The following RNF212B variants were observed in gnomAD, a reference collection of about 807,000 sequenced individuals.
The protein encoded by RNF212B is ring finger protein 212B, also known as E3 ubiquitin-protein ligase RNF212B.
A neutral mutation model predicts 55.5 loss-of-function variants in RNF212B; 52 were observed. The ratio of observed to expected loss-of-function variants is 0.94; its 90% CI spans 0.75 to 1.18. RNF212B has a LOEUF of 1.18. Ranked by LOEUF, RNF212B falls within the 50% of genes most tolerant of loss-of-function variation. The pLI, the probability that RNF212B is intolerant of heterozygous loss-of-function variation, is 0.00. For synonymous variants in RNF212B, 99 were observed against 121.4 expected, an observed-to-expected ratio of 0.82 and a Z score of 1.21; for missense variants, 289 against 350.4, an observed-to-expected ratio of 0.82 and a Z score of 1.40.
intron 11 of RNF212B, among the ~76,000 whole-genome samples, chr14:23,265,653 C>T (rs1885639281): frequency 6.6e-6 from 1 of 152,140 alleles, no homozygotes. Flanking sequence ...ACAGTGTTCT[C>T]TTTTTCATTC....
intron 2 of RNF212B, among the ~76,000 whole-genome samples, chr14:23,228,497 G>A (rs1882242209): frequency 6.7e-6 from 1 of 150,340 alleles, no homozygotes; most frequent in South Asian, 2.1e-4. Flanking sequence ...ATTAACAGGT[G>A]TGGTGGCATG....
chr14:23,197,580 T>G (rs1594861478), intron 2 of RNF212B, among the ~76,000 whole-genome samples: 1 of 151,772 alleles, frequency 6.6e-6, no homozygotes, highest in African/African-American at 2.4e-5. Context: ...AATAAGCAAA[T>G]TAAAAATTAT....
At chr14:23,227,681 G>A (rs1411032151) in intron 2 of RNF212B, among the ~76,000 whole-genome samples, 1 of 152,080 alleles carries the variant, frequency 6.6e-6, no homozygotes, top group Non-Finnish European at 1.5e-5. Flanking sequence ...GCTCACTGCA[G>A]CCTCAACCTG....
intron 1 of RNF212B, among the ~76,000 whole-genome samples, chr14:23,239,130 C>G (rs1268558307): frequency 6.6e-6 from 1 of 152,150 alleles, no homozygotes; most frequent in Non-Finnish European, 1.5e-5. Context: ...GTGGCACGAT[C>G]TTGGCTCACT....
At position 23,273,330 on chromosome 14, in the gene RNF212B, T is replaced by C. The variant is rs138017132; in HGVS notation, c.*439T>C. The C allele has an allele frequency of 0.011, 1,688 of 153,230 alleles. 10 individuals carry two copies. The highest frequency in any genetic ancestry group is 0.015 in the Non-Finnish European group (1,032 of 68,676). 9.5% of individuals were successfully genotyped at this position (153,230 alleles called of 1,614,324 possible). A position where few individuals can be genotyped will look rare whatever the true frequency, so the allele number is the denominator to read the frequency against. The stretch of plus-strand genomic sequence containing the variant: ...AATATCTCTGTTCTTTTCCTTATTA[T>C]ACTTTTTTATTTGTCTATTATTTCC... On this transcript the variant is annotated 3_prime_UTR_variant, in exon 15 of 15. Coordinates refer to ENST00000430154, the MANE Select transcript of RNF212B (RefSeq NM_001282322.3).
At chr14:23,266,799 T>C (rs772912525) in intron 11 of RNF212B, among the ~76,000 whole-genome samples, 4 of 152,230 alleles carry the variant, frequency 2.6e-5, no homozygotes, top group Non-Finnish European at 4.4e-5. Context: ...TATATTCTAC[T>C]CTTTTTGGGT....
At chr14:23,234,051 A>G (rs147512610), upstream of RNF212B, among the ~76,000 whole-genome samples, 45 of 152,250 alleles carry the variant, frequency 3.0e-4, no homozygotes, top group South Asian at 2.3e-3. Flanking sequence ...GAGCTGAGAT[A>G]GTACCACTGC....
chr14:23,233,892 T>A (rs1882917437), upstream of RNF212B, among the ~76,000 whole-genome samples: 1 of 151,790 alleles, frequency 6.6e-6, no homozygotes, highest in South Asian at 2.1e-4. Context: ...AGGTCAGGAG[T>A]TCGAGACCAG....
At position 23,247,654 on chromosome 14, in the gene RNF212B, T is replaced by C. The variant is rs556366310; in HGVS notation, c.228+3258T>C. Reference sequence around the variant, plus strand: ...TCTATTATATAAATGGATATACATTTTACTTATCCATTCATTAGTCAATAG... The same window carrying C: ...TCTATTATATAAATGGATATACATTCTACTTATCCATTCATTAGTCAATAG... On this transcript the variant is annotated intron_variant, in intron 4 of 14. Coordinates refer to ENST00000430154, the MANE Select transcript of RNF212B (RefSeq NM_001282322.3). 1.1e-3 allele frequency among the ~76,000 whole-genome samples: 172 copies of C among 152,352 alleles called. 1 individual carries two copies. The highest frequency in any genetic ancestry group is 1.6e-3 in the Non-Finnish European group (110 of 68,040).
chr14:23,237,513 A>G (rs2140429682), upstream of RNF212B, among the ~76,000 whole-genome samples: 1 of 152,272 alleles, frequency 6.6e-6, no homozygotes, highest in East Asian at 1.9e-4. Context: ...TGTCCGCATC[A>G]TTTTTAAATT....
chr14:23,214,032 A>T (rs1202595269), intron 2 of RNF212B, among the ~76,000 whole-genome samples: 1 of 152,182 alleles, frequency 6.6e-6, no homozygotes, highest in African/African-American at 2.4e-5. Flanking sequence ...CTAGCACAGG[A>T]GGATCACTTG....
At chr14:23,243,420 G>A (rs779232598) in intron 3 of RNF212B, 112 bp downstream of exon 3, 20 of 1,017,440 alleles carry the variant, frequency 2.0e-5, no homozygotes, top group Middle Eastern at 2.1e-4. Flanking sequence ...AGAAGACCGG[G>A]CGTGGTGGCT....
intron 7 of RNF212B, among the ~76,000 whole-genome samples, chr14:23,261,027 C>G (rs1390402947): frequency 6.6e-6 from 1 of 152,174 alleles, no homozygotes; most frequent in Non-Finnish European, 1.5e-5. Flanking sequence ...GTACACTGAA[C>G]AAAGGAGACA....
At chr14:23,196,599 C>T (rs915380772) in intron 2 of RNF212B, among the ~76,000 whole-genome samples, 2 of 152,046 alleles carry the variant, frequency 1.3e-5, no homozygotes, top group African/African-American at 4.8e-5. Flanking sequence ...ACCACCATGC[C>T]CAGCTAATTT....
intron 1 of RNF212B, among the ~76,000 whole-genome samples, chr14:23,192,935 T>G (rs1206784582): frequency 6.6e-6 from 1 of 151,184 alleles, no homozygotes; most frequent in East Asian, 2.0e-4. Flanking sequence ...CTAGTAAAAA[T>G]ACAAAAATTA....
chr14:23,258,777 T>C, intron 5 of RNF212B, 113 bp downstream of exon 5: 1 of 464,940 alleles, frequency 2.2e-6, no homozygotes, highest in Non-Finnish European at 3.7e-6. Context: ...TATTTGTTTG[T>C]TTGGGAAAAT....
In RNF212B at chr14:23,222,340, A is replaced by G. The variant is rs533666701; in HGVS notation, c.-1-18005A>G. Among the ~76,000 whole-genome samples, 7 of 152,274 alleles carry G rather than the reference A, an allele frequency of 4.6e-5. No homozygotes were observed. The South Asian group carries it at 1.5e-3, about 32-fold the overall frequency. Reference sequence around the variant, plus strand: ...ACCACAGGAATTCAAAGGGTTATTAATGGCTACTATGAACAACTATATGTC... The same window carrying G: ...ACCACAGGAATTCAAAGGGTTATTAGTGGCTACTATGAACAACTATATGTC... On this transcript the variant is annotated intron_variant, in intron 2 of 15. Coordinates refer to the RNF212B transcript ENST00000399910.
chr14:23,270,075 C>G, intron 13 of RNF212B, 115 bp downstream of exon 13: 1 of 663,518 alleles, frequency 1.5e-6, no homozygotes, highest in Admixed American at 2.6e-5. Context: ...AGCATTGTCT[C>G]TAGTTGGCTC....
At chr14:23,238,224 C>A (rs975263575) in intron 1 of RNF212B, among the ~76,000 whole-genome samples, 169 bp downstream of exon 1, 1 of 151,664 alleles carries the variant, frequency 6.6e-6, no homozygotes, top group Non-Finnish European at 1.5e-5. Flanking sequence ...TGTTGCTGCC[C>A]TTAAACAAAC....
Sources: allele counts gnomAD v4.1 joint callset (sites outside exome capture counted in the v4.1 genomes callset), GRCh38; gene constraint gnomAD v4.1.1; transcripts MANE v1.5; gene names NCBI Gene and HGNC (gene_info 2026-07-23, HGNC 2026-07-21).